The following SUMF1 variants were observed in gnomAD, a reference collection of about 807,000 sequenced individuals.
SUMF1 encodes the protein formylglycine-generating enzyme.
A neutral mutation model predicts 47.6 loss-of-function variants in SUMF1; 48 were observed. The observed-to-expected ratio is 1.01, with a 90% CI of 0.80 to 1.28. SUMF1 has a LOEUF of 1.28. Ranked by LOEUF, SUMF1 falls within the 50% of genes most tolerant of loss-of-function variation. The probability of loss-of-function intolerance (pLI) is 0.00; values close to 1 mark genes in which losing one functional copy is unlikely to be tolerated. For synonymous variants in SUMF1, 230 were observed against 192.1 expected (o/e 1.20, Z -1.63); for missense variants, 571 against 485.4 (o/e 1.18, Z -1.66).
chr3:4,410,124 T>A (rs1430061256), intron 7 of SUMF1, among the ~76,000 whole-genome samples: 1 of 152,152 alleles, frequency 6.6e-6, no homozygotes, highest in Non-Finnish European at 1.5e-5. Context: ...TCCCCCCCAA[T>A]CTGTTCACAC....
chr3:4,111,756 C>A (rs1163199916), intron 8 of SUMF1, among the ~76,000 whole-genome samples: 1 of 151,946 alleles, frequency 6.6e-6, no homozygotes, highest in Non-Finnish European at 1.5e-5. Flanking sequence ...CCAAAAAAAC[C>A]TTTATTGCTC....
chr3:4,208,376 G>A (rs779632729), intron 8 of SUMF1, among the ~76,000 whole-genome samples: 19 of 150,528 alleles, frequency 1.3e-4, no homozygotes, highest in African/African-American at 2.4e-4. Flanking sequence ...AAAACTTACC[G>A]CTACTTTACT....
chr3:4,347,844 CA>C (rs1699404517), intron 8 of SUMF1, among the ~76,000 whole-genome samples: 1 of 152,144 alleles, frequency 6.6e-6, no homozygotes, highest in Non-Finnish European at 1.5e-5. Context: ...TCTCAGGGTA[CA>C]AAAGTCAACG....
intron 8 of SUMF1, among the ~76,000 whole-genome samples, chr3:4,275,581 TGGTGATCCCTTTGG>T (rs1697396072): frequency 1.3e-5 from 2 of 152,188 alleles, no homozygotes; most frequent in African/African-American, 4.8e-5. Context: ...AACCAATCAC[TGGTGATCCCTTTGG>T]AATAGTCAAC....
At chr3:4,243,049 T>C (rs1333361787) in intron 8 of SUMF1, among the ~76,000 whole-genome samples, 3 of 152,218 alleles carry the variant, frequency 2.0e-5, no homozygotes, top group Non-Finnish European at 4.4e-5. Flanking sequence ...GTGATTTGTG[T>C]AGAGGTGTTT....
intron 9 of SUMF1, among the ~76,000 whole-genome samples, chr3:4,066,916 T>A (rs1336571224): frequency 6.6e-6 from 1 of 152,160 alleles, no homozygotes; most frequent in Non-Finnish European, 1.5e-5. Flanking sequence ...CTATTCCTTG[T>A]TTGCCCTATC....
chr3:4,175,244 AC>A (rs976616075), intron 8 of SUMF1, among the ~76,000 whole-genome samples: 4 of 151,732 alleles, frequency 2.6e-5, no homozygotes, highest in African/African-American at 9.7e-5. Flanking sequence ...TGGGCCCCTG[AC>A]CCCCGTGTAG....
At chr3:4,183,858 A>T (rs1320621705) in intron 8 of SUMF1, among the ~76,000 whole-genome samples, 2 of 152,132 alleles carry the variant, frequency 1.3e-5, no homozygotes, top group Non-Finnish European at 2.9e-5. Flanking sequence ...GTAGTGTTAA[A>T]CCATCAAAAG....
chr3:4,271,502 GAT>G (rs879398322), intron 8 of SUMF1, among the ~76,000 whole-genome samples: 165 of 151,816 alleles, frequency 1.1e-3, no homozygotes, highest in Admixed American at 8.0e-3. Context: ...TAGATAGATA[GAT>G]AGATAGATAG....
intron 8 of SUMF1, among the ~76,000 whole-genome samples, chr3:4,175,205 T>A (rs1321848628): frequency 6.6e-6 from 1 of 152,168 alleles, no homozygotes; most frequent in Non-Finnish European, 1.5e-5. Flanking sequence ...GCGTTTGAGC[T>A]CTGAGAATGG....
chr3:4,093,486 G>T (rs73129155), intron 8 of SUMF1, among the ~76,000 whole-genome samples: 22,292 of 151,930 alleles, frequency 0.15, 3,481 homozygotes, highest in African/African-American at 0.38. Context: ...AAGGAAAGGA[G>T]GAGGAAAACA....
chr3:4,070,898 TG>T lies in SUMF1; in HGVS notation c.1015-2154del, dbSNP rs147393204. Among the ~76,000 whole-genome samples, 21 of 152,258 alleles carry T rather than the reference TG, an allele frequency of 1.4e-4. 1 individual carries two copies. Among genetic ancestry groups the T allele is most frequent in the African/African-American group, 4.8e-4 (20 of 41,558 alleles). ...CACCCACCTCGGCCTCCCAAAGTGC[TG>T]GGATTACAGAAGTGACCCACCGTGC... On this transcript the variant is annotated intron_variant and NMD_transcript_variant, in intron 8 of 12. Transcript: ENST00000448413.
At chr3:4,380,085 GA>G (rs1700455331) in intron 7 of SUMF1, among the ~76,000 whole-genome samples, 1 of 152,194 alleles carries the variant, frequency 6.6e-6, no homozygotes, top group East Asian at 1.9e-4. Flanking sequence ...ACCACAGCAG[GA>G]AGAGCGGCTG....
chr3:4,387,375 T>C (rs1225644884), intron 7 of SUMF1, among the ~76,000 whole-genome samples: 3 of 152,120 alleles, frequency 2.0e-5, no homozygotes, highest in East Asian at 3.8e-4. Context: ...GTCACATTTA[T>C]GGGTATACAG....
intron 8 of SUMF1, among the ~76,000 whole-genome samples, chr3:4,172,393 G>C (rs1694851461): frequency 6.6e-6 from 1 of 152,040 alleles, no homozygotes; most frequent in Admixed American, 6.6e-5. Context: ...GTGCTTTCCA[G>C]GTATTCACTA....
At chr3:4,378,478 G>A (rs1021670540) in intron 7 of SUMF1, among the ~76,000 whole-genome samples, 1 of 152,152 alleles carries the variant, frequency 6.6e-6, no homozygotes. Flanking sequence ...CAACTGCAGG[G>A]CTACAATATT....
At chr3:4,101,656 G>A (rs1693035790) in intron 8 of SUMF1, among the ~76,000 whole-genome samples, 1 of 152,106 alleles carries the variant, frequency 6.6e-6, no homozygotes, top group Non-Finnish European at 1.5e-5. Context: ...TGTTCTCACT[G>A]CAAAGAACTG....
At chr3:4,262,487 G>A (rs1697108262) in intron 8 of SUMF1, among the ~76,000 whole-genome samples, 1 of 152,088 alleles carries the variant, frequency 6.6e-6, no homozygotes, top group Non-Finnish European at 1.5e-5. Context: ...CCATGACTAA[G>A]GTGCCAAATT....
At chr3:4,193,308 G>C (rs1695359653) in intron 8 of SUMF1, among the ~76,000 whole-genome samples, 1 of 151,988 alleles carries the variant, frequency 6.6e-6, no homozygotes, top group African/African-American at 2.4e-5. Context: ...TCTTCATTTA[G>C]CTAGTCCTGA....
Sources: allele counts gnomAD v4.1 joint callset (sites outside exome capture counted in the v4.1 genomes callset), GRCh38; gene constraint gnomAD v4.1.1; transcripts MANE v1.5; gene names NCBI Gene and HGNC (gene_info 2026-07-23, HGNC 2026-07-21).